ZFYVE16: variants seen among roughly 807,000 people sequenced by gnomAD.
The protein encoded by ZFYVE16 is zinc finger FYVE domain-containing protein 16.
A neutral mutation model predicts 138.1 loss-of-function variants in ZFYVE16; 89 were observed. The ratio of observed to expected loss-of-function variants is 0.64; its 90% CI spans 0.54 to 0.77. The LOEUF is 0.77. Ranked by LOEUF, ZFYVE16 falls within the 30% of genes least tolerant of loss-of-function variation. ZFYVE16 has a pLI of 0.00. For synonymous variants in ZFYVE16, 596 were observed against 618.3 expected (o/e 0.96, Z 0.53); for missense variants, 1,793 against 1,786.7 (o/e 1.00, Z -0.06).
rs574049052 is a variant in ZFYVE16, at chr5:80,413,420, G to A, written c.-94+5267G>A. On this transcript the variant is annotated intron_variant, in intron 1 of 18. Transcript: ENST00000505560. ...TGGGAGGCGGAGGTTGCAGTGAGCT[G>A]AGATCGCGATATTGCACTCCAGCTT... Among the ~76,000 whole-genome samples, 46 of 145,662 alleles carry A rather than the reference G, an allele frequency of 3.2e-4. No homozygotes were observed. The South Asian group carries it at 8.4e-3, about 27-fold the overall frequency.
chr5:80,429,282 G>T (rs1039490449), intron 2 of ZFYVE16, among the ~76,000 whole-genome samples: 1 of 152,216 alleles, frequency 6.6e-6, no homozygotes, highest in African/African-American at 2.4e-5. Context: ...CAAGCCAGGA[G>T]TGGGGGCCAA....
At chr5:80,455,301 A>T (rs1440622634) in intron 11 of ZFYVE16, 1 of 209,570 alleles carries the variant, frequency 4.8e-6, no homozygotes, top group Non-Finnish European at 9.6e-6. Context: ...TGGGAGGCCG[A>T]GGTGGGTGGA....
chr5:80,463,462 C>T (rs1753351374), intron 15 of ZFYVE16, among the ~76,000 whole-genome samples: 1 of 152,310 alleles, frequency 6.6e-6, no homozygotes, highest in East Asian at 1.9e-4. Flanking sequence ...AGACCCTGTA[C>T]CTGGCCCACA....
In ZFYVE16 at chr5:80,437,831, G is replaced by T. The variant is rs904764780; in HGVS notation, c.1146G>T (p.Gly382=). ...PSSLSCLPAS[G]SMCGSLIESK... ...CATTGTCCTGTCTTCCTGCGTCTGG[G>T]TCTATGTGTGGATCATTAATTGAAA... Residue 382 remains glycine (G), a synonymous_variant, in exon 4 of 19, where the codon GGG becomes GGT. Coordinates refer to ENST00000505560, the MANE Select transcript of ZFYVE16 (RefSeq NM_001284236.3). The T allele has an allele frequency of 1.9e-6, 3 of 1,613,862 alleles. No homozygotes were observed. The highest frequency in any genetic ancestry group is 2.5e-6 in the Non-Finnish European group (3 of 1,179,978).
intron 9 of ZFYVE16, 110 bp downstream of exon 9, chr5:80,449,823 A>C (rs993753145): frequency 8.7e-6 from 11 of 1,262,622 alleles, no homozygotes; most frequent in Non-Finnish European, 1.2e-5. Flanking sequence ...GCAGGATTGG[A>C]TATTGGTTTT....
chr5:80,437,183 A>G lies in ZFYVE16; in HGVS notation c.498A>G (p.Leu166=), dbSNP rs142241799. 2 of 1,613,968 alleles carry G rather than the reference A, an allele frequency of 1.2e-6. No individual in the cohort carries two copies. The highest frequency in any genetic ancestry group is 1.7e-6 in the Non-Finnish European group (2 of 1,180,010). ...SNADSLIGLD[L]SSVSDTPCVS... is the part of the protein sequence containing the mutation. ...CAGATTCCTTGATTGGATTGGATTT[A>G]TCTTCAGTGTCAGATACTCCCTGTG... Residue 166 remains leucine, a synonymous_variant, in exon 4 of 19, where the codon TTA becomes TTG. Coordinates refer to ENST00000505560, the MANE Select transcript of ZFYVE16 (RefSeq NM_001284236.3).
intron 5 of ZFYVE16, chr5:80,441,430 A>G (rs1286802469): frequency 1.0e-5 from 10 of 985,230 alleles, no homozygotes; most frequent in Non-Finnish European, 1.2e-5. Flanking sequence ...GTCTTATAGC[A>G]TATAGTTTCA....
At chr5:80,443,789 A>G in intron 6 of ZFYVE16, 1 of 456,276 alleles carries the variant, frequency 2.2e-6, no homozygotes, top group Non-Finnish European at 4.4e-6. Flanking sequence ...ATGGTCTCCC[A>G]CCAGTGCCTG....
At chr5:80,445,459 T>C in intron 7 of ZFYVE16, 54 bp downstream of exon 7, 1 of 1,527,604 alleles carries the variant, frequency 6.5e-7, no homozygotes, top group Non-Finnish European at 8.9e-7. Context: ...ATTTCGTAGA[T>C]AATTCCTGGT....
At position 80,479,338 on chromosome 5, in the gene ZFYVE16, C is replaced by G. The variant is rs1057028346; in HGVS notation, c.*1961C>G. ...TTTTGAAATATGAAGTAAAATCTAG[C>G]CCATTTGTTTTATGCAGCTATTCAA... On this transcript the variant is annotated 3_prime_UTR_variant, in exon 19 of 19. Transcript: ENST00000505560. The G allele has an allele frequency of 6.6e-6, 1 of 152,160 alleles. No homozygotes were observed. Among genetic ancestry groups the G allele is most frequent in the Non-Finnish European group, 1.5e-5 (1 of 68,018 alleles). The allele number at this position is 152,160 out of a possible 1,614,324, so 9.4% of individuals were successfully genotyped here.
At chr5:80,413,225 A>G (rs1745706163) in intron 1 of ZFYVE16, among the ~76,000 whole-genome samples, 1 of 152,122 alleles carries the variant, frequency 6.6e-6, no homozygotes, top group African/African-American at 2.4e-5. Context: ...TAATCCCAGC[A>G]CTTTGGGAGG....
intron 15 of ZFYVE16, 51 bp from the exon 16 acceptor site, chr5:80,472,710 A>C (rs1754504762): frequency 1.3e-6 from 2 of 1,560,666 alleles, no homozygotes; most frequent in African/African-American, 1.4e-5. Flanking sequence ...TGGCTTAGAT[A>C]TACACATTGG....
chr5:80,455,211 G>A (rs1006974551), intron 11 of ZFYVE16: 1 of 166,926 alleles, frequency 6.0e-6, no homozygotes, highest in African/African-American at 2.4e-5. Context: ...GTAGCATCTA[G>A]TAGATACATA....
At chr5:80,445,488 T>A in intron 7 of ZFYVE16, 83 bp downstream of exon 7, 2 of 1,082,968 alleles carry the variant, frequency 1.8e-6, no homozygotes, top group Non-Finnish European at 2.5e-6. Context: ...TAGAGTGCTT[T>A]TTTTTTTTTT....
At position 80,448,228 on chromosome 5, in the gene ZFYVE16, A is replaced by G; in HGVS notation, c.2927A>G (p.Glu976Gly). The change falls in exon 8 of 19, where the codon GAA becomes GGA. Residue 976 changes from glutamate to glycine, a missense_variant. By Grantham distance (98) the Glu-to-Gly change is moderately conservative. Transcript: ENST00000505560. ...TLDDDVFAET[E>G]EPSSPTGVLV... ...GATGATGATGTTTTTGCAGAAACTG[A>G]AGAACCATCTAGTCCTACTGGTGTC... 1.9e-6 allele frequency: 3 copies of G among 1,613,908 alleles called. No individual in the cohort carries two copies. Among genetic ancestry groups the G allele is most frequent in the Non-Finnish European group, 2.5e-6 (3 of 1,179,916 alleles).
At chr5:80,435,568 A>T (rs906663136) in intron 3 of ZFYVE16, among the ~76,000 whole-genome samples, 1 of 152,140 alleles carries the variant, frequency 6.6e-6, no homozygotes, top group Admixed American at 6.5e-5. Context: ...TAGTGCAACT[A>T]AGTTTCTTTT....
chr5:80,447,266 CAAAAAAAAAAAA>C (rs56836828), intron 7 of ZFYVE16, among the ~76,000 whole-genome samples: 1 of 69,288 alleles, frequency 1.4e-5, no homozygotes, highest in Non-Finnish European at 2.9e-5. Flanking sequence ...GACTCCATCT[CAAAAAAAAAAAA>C]AAAAAAAAAA....
chr5:80,451,864 A>G lies in ZFYVE16; in HGVS notation c.3607+155A>G, dbSNP rs567149830. On this transcript the variant is annotated intron_variant, in intron 11 of 18. Coordinates refer to ENST00000505560, the MANE Select transcript of ZFYVE16 (RefSeq NM_001284236.3). Reference sequence around the variant, plus strand: ...TCTAAGACAACCCTCTTCTACTACCAGGTTGGTCTAGATAACTGTGGTATG... The same window carrying G: ...TCTAAGACAACCCTCTTCTACTACCGGGTTGGTCTAGATAACTGTGGTATG... The G allele has an allele frequency of 4.3e-6, 3 of 704,176 alleles. No individual in the cohort carries two copies. The East Asian group carries it at 8.3e-5, about 20-fold the overall frequency. 43.6% of individuals were successfully genotyped at this position (704,176 alleles called of 1,614,324 possible). A position where few individuals can be genotyped will look rare whatever the true frequency, so the allele number is the denominator to read the frequency against.
intron 15 of ZFYVE16, among the ~76,000 whole-genome samples, chr5:80,468,605 TG>T (rs1394301695): frequency 6.6e-6 from 1 of 152,244 alleles, no homozygotes; most frequent in East Asian, 1.9e-4. Flanking sequence ...AATGTTGTTT[TG>T]TGGTACATGA....
Sources: gnomAD v4.1 joint callset for allele counts (sites outside exome capture counted in the v4.1 genomes callset) on GRCh38, gnomAD v4.1.1 for gene constraint, MANE v1.5 for transcripts, NCBI Gene and HGNC (gene_info 2026-07-23, HGNC 2026-07-21) for gene names.